The following FRMD4A variants were observed in gnomAD, a reference collection of about 807,000 sequenced individuals.
FRMD4A encodes the protein FERM domain containing 4A.
In FRMD4A, 29 loss-of-function variants were observed where a neutral mutation model predicts 129.1. That is an observed-to-expected ratio of 0.22 (90% CI 0.17 to 0.31). The LOEUF is 0.31. Ranked by LOEUF, FRMD4A falls within the 10% of genes least tolerant of loss-of-function variation. FRMD4A has a pLI of 1.00. For synonymous variants in FRMD4A, 634 were observed against 571.6 expected (o/e 1.11, Z -1.56); for missense variants, 1,272 against 1,375.8 (o/e 0.92, Z 1.19).
At chr10:14,040,308 G>A (rs1345001470) in intron 2 of FRMD4A, among the ~76,000 whole-genome samples, 1 of 152,122 alleles carries the variant, frequency 6.6e-6, no homozygotes, top group Non-Finnish European at 1.5e-5. Context: ...TCTGTTGAAT[G>A]AAACAGAGAA....
intron 12 of FRMD4A, chr10:13,712,178 C>G (rs2088089675): frequency 1.3e-5 from 2 of 152,218 alleles, no homozygotes; most frequent in Non-Finnish European, 2.9e-5. Context: ...GCTTTCAATA[C>G]TCAATGCTTT....
intron 12 of FRMD4A, among the ~76,000 whole-genome samples, chr10:13,730,752 G>A (rs1217831428): frequency 2.0e-5 from 3 of 150,872 alleles, no homozygotes; most frequent in South Asian, 4.2e-4. Flanking sequence ...AGTGGCTCAC[G>A]TCTGTAATCC....
chr10:13,961,606 C>T (rs947220388), intron 2 of FRMD4A, among the ~76,000 whole-genome samples: 13 of 152,190 alleles, frequency 8.5e-5, no homozygotes, highest in African/African-American at 3.1e-4. Flanking sequence ...ACCACCTCAG[C>T]CTAGTTAATT....
intron 2 of FRMD4A, among the ~76,000 whole-genome samples, chr10:14,291,541 A>G (rs1231845493): frequency 6.6e-6 from 1 of 152,210 alleles, no homozygotes; most frequent in Non-Finnish European, 1.5e-5. Context: ...AGCTTAAAGG[A>G]TAAATACCAT....
chr10:13,775,895 A>G (rs940974216), intron 6 of FRMD4A, among the ~76,000 whole-genome samples: 12 of 85,638 alleles, frequency 1.4e-4, no homozygotes, highest in Non-Finnish European at 2.7e-4. Flanking sequence ...GTATGTAGTA[A>G]CTAAATAAGT....
rs143863993 is a variant in FRMD4A, at chr10:13,843,564, C to A, written c.111+15283G>T. Among the ~76,000 whole-genome samples the A allele has an allele frequency of 1.9e-3, 285 of 152,322 alleles. 4 individuals carry two copies. Among genetic ancestry groups the A allele is most frequent in the African/African-American group, 6.6e-3 (276 of 41,570 alleles). On this transcript the variant is annotated intron_variant, in intron 3 of 24. Coordinates refer to ENST00000357447, the MANE Select transcript of FRMD4A (RefSeq NM_018027.5). ...CCAGGCTGGAGTTCAGTGGCACGAT[C>A]TTGGCTCACTGCAACCTCCGCCTGC...
intron 6 of FRMD4A, among the ~76,000 whole-genome samples, chr10:13,766,265 A>T (rs925428908): frequency 6.6e-6 from 1 of 152,242 alleles, no homozygotes; most frequent in Admixed American, 6.5e-5. Flanking sequence ...AACCTGATTG[A>T]TTCAACTTCT....
At chr10:14,161,673 A>G (rs991546987) in intron 2 of FRMD4A, among the ~76,000 whole-genome samples, 3 of 152,162 alleles carry the variant, frequency 2.0e-5, no homozygotes, top group Admixed American at 6.5e-5. Context: ...GGTGTGTTGG[A>G]GAGGGGACAT....
At chr10:14,133,465 A>T (rs1045779444) in intron 2 of FRMD4A, among the ~76,000 whole-genome samples, 6 of 152,276 alleles carry the variant, frequency 3.9e-5, no homozygotes, top group Admixed American at 2.6e-4. Flanking sequence ...CCCTCTCTAG[A>T]TGCTTGGGCA....
intron 4 of FRMD4A, among the ~76,000 whole-genome samples, chr10:13,804,309 G>T (rs1486453751): frequency 6.6e-6 from 1 of 152,186 alleles, no homozygotes; most frequent in African/African-American, 2.4e-5. Context: ...TCTGCCACTG[G>T]AAAATTGCTT....
intron 2 of FRMD4A, among the ~76,000 whole-genome samples, chr10:14,231,346 G>T (rs1380311239): frequency 2.8e-5 from 4 of 142,660 alleles, no homozygotes; most frequent in Middle Eastern, 3.6e-3. Flanking sequence ...TCTCATTGTG[G>T]TTTTTTTTTT....
intron 2 of FRMD4A, among the ~76,000 whole-genome samples, chr10:13,988,314 C>T (rs4750445): frequency 0.34 from 51,960 of 151,802 alleles, 9,537 homozygotes; most frequent in East Asian, 0.72. Context: ...GTGGACTCTT[C>T]GACCTTGGTA....
At chr10:13,993,577 C>T (rs1481743782) in intron 2 of FRMD4A, among the ~76,000 whole-genome samples, 1 of 152,096 alleles carries the variant, frequency 6.6e-6, no homozygotes, top group East Asian at 1.9e-4. Flanking sequence ...GCTGAAATTG[C>T]TTGATTTGTT....
chr10:13,903,716 A>AT (rs1330588015), intron 2 of FRMD4A, among the ~76,000 whole-genome samples: 101 of 151,950 alleles, frequency 6.6e-4, no homozygotes, highest in South Asian at 1.7e-3. Context: ...TAAAAAAATA[A>AT]AAATAAAAAA....
chr10:13,934,164 A>G (rs1464989798), intron 2 of FRMD4A, among the ~76,000 whole-genome samples: 2 of 152,244 alleles, frequency 1.3e-5, no homozygotes, highest in Non-Finnish European at 2.9e-5. Flanking sequence ...GGAACATAGA[A>G]GGAGCCTTGG....
intron 6 of FRMD4A, among the ~76,000 whole-genome samples, chr10:13,768,560 G>A (rs2092358683): frequency 6.6e-6 from 1 of 152,186 alleles, no homozygotes; most frequent in Non-Finnish European, 1.5e-5. Flanking sequence ...GGAACCACTT[G>A]TAGGGTTAGG....
At chr10:14,262,397 G>C (rs1473775635) in intron 2 of FRMD4A, among the ~76,000 whole-genome samples, 4 of 152,260 alleles carry the variant, frequency 2.6e-5, no homozygotes, top group African/African-American at 9.6e-5. Flanking sequence ...TCCAGGGCTT[G>C]GCAAAGGGTA....
chr10:14,068,854 TTC>T (rs1471187816), intron 2 of FRMD4A, among the ~76,000 whole-genome samples: 3 of 151,680 alleles, frequency 2.0e-5, no homozygotes, highest in East Asian at 1.9e-4. Flanking sequence ...AGTGAGTTCA[TTC>T]TCTCTCTCTC....
At chr10:14,181,808 A>G (rs1486148106) in intron 2 of FRMD4A, among the ~76,000 whole-genome samples, 1 of 152,122 alleles carries the variant, frequency 6.6e-6, no homozygotes, top group Non-Finnish European at 1.5e-5. Context: ...CTCCTGCCTC[A>G]GCCTCCCCAG....
Sources: allele counts gnomAD v4.1 joint callset (sites outside exome capture counted in the v4.1 genomes callset), GRCh38; gene constraint gnomAD v4.1.1; transcripts MANE v1.5; gene names NCBI Gene and HGNC (gene_info 2026-07-23, HGNC 2026-07-21).